SLC8A1: variants seen among roughly 807,000 people sequenced by gnomAD.
SLC8A1 encodes the protein solute carrier family 8 member A1.
SLC8A1 carries 18 observed loss-of-function variants against 68.3 expected under a neutral mutation model. The observed-to-expected ratio is 0.26, with a 90% confidence interval of 0.18 to 0.39. The LOEUF (loss-of-function observed/expected upper bound fraction) is 0.39, where lower values mean the gene tolerates loss of function less well. Ranked by LOEUF, SLC8A1 falls within the 10% of genes least tolerant of loss-of-function variation. The pLI is 1.00. For synonymous variants in SLC8A1, 475 were observed against 415.5 expected (o/e 1.14, Z -1.74); for missense variants, 985 against 1,156.7 (o/e 0.85, Z 2.15).
intron 2 of SLC8A1, among the ~76,000 whole-genome samples, chr2:40,253,107 A>G (rs1558968107): frequency 9.1e-6 from 1 of 109,906 alleles, no homozygotes; most frequent in South Asian, 2.4e-4. Flanking sequence ...ATATACATAT[A>G]TACGTGTATA....
intron 2 of SLC8A1, among the ~76,000 whole-genome samples, chr2:40,369,987 G>C (rs960338877): frequency 2.0e-5 from 3 of 152,044 alleles, no homozygotes; most frequent in Non-Finnish European, 4.4e-5. Context: ...ATAAAATAAA[G>C]ACCACAGAAG....
chr2:40,449,148 TAA>T (rs563163544), intron 1 of SLC8A1, among the ~76,000 whole-genome samples: 1 of 129,582 alleles, frequency 7.7e-6, no homozygotes. Flanking sequence ...ATTGCAACAT[TAA>T]AAAAAAAAAA....
At chr2:40,229,956 T>G (rs1439436614) in intron 2 of SLC8A1, among the ~76,000 whole-genome samples, 1 of 152,204 alleles carries the variant, frequency 6.6e-6, no homozygotes, top group African/African-American at 2.4e-5. Flanking sequence ...TCTTTTATGT[T>G]GTTATTGTTC....
chr2:40,412,728 G>A (rs1009272781), intron 2 of SLC8A1, among the ~76,000 whole-genome samples: 3 of 152,140 alleles, frequency 2.0e-5, no homozygotes, highest in African/African-American at 7.2e-5. Flanking sequence ...AAAGGCATGA[G>A]TCAGTCATGA....
chr2:40,255,993 T>A (rs1250760535), intron 2 of SLC8A1, among the ~76,000 whole-genome samples: 1 of 152,202 alleles, frequency 6.6e-6, no homozygotes, highest in African/African-American at 2.4e-5. Context: ...GTCTGCAAAC[T>A]AGAAGAGCAA....
intron 1 of SLC8A1, among the ~76,000 whole-genome samples, chr2:40,466,420 T>C (rs560913737): frequency 4.6e-5 from 7 of 152,168 alleles, no homozygotes; most frequent in Non-Finnish European, 1.0e-4. Context: ...TATTAAAACA[T>C]GTCTTAAAGG....
chr2:40,214,358 A>G (rs889583189), intron 2 of SLC8A1, among the ~76,000 whole-genome samples: 2 of 152,066 alleles, frequency 1.3e-5, no homozygotes, highest in African/African-American at 4.8e-5. Flanking sequence ...ACTCTCCCCA[A>G]ATATATCTGC....
At chr2:40,385,558 TATC>T (rs1340552307) in intron 2 of SLC8A1, among the ~76,000 whole-genome samples, 2 of 151,082 alleles carry the variant, frequency 1.3e-5, no homozygotes, top group African/African-American at 2.5e-5. Flanking sequence ...ATGTAAAAGT[TATC>T]ATATCAACAA....
At chr2:40,381,402 G>A (rs374714323) in intron 2 of SLC8A1, among the ~76,000 whole-genome samples, 1 of 151,970 alleles carries the variant, frequency 6.6e-6, no homozygotes, top group African/African-American at 2.4e-5. Flanking sequence ...AGAGATTCCT[G>A]TGGGACAAAC....
intron 1 of SLC8A1, among the ~76,000 whole-genome samples, chr2:40,433,870 T>C (rs1698875081): frequency 6.6e-6 from 1 of 152,174 alleles, no homozygotes; most frequent in South Asian, 2.1e-4. Context: ...CAGGAGGGCC[T>C]AGTTAGCAAA....
chr2:40,259,394 GA>G (rs1232911495), intron 2 of SLC8A1, among the ~76,000 whole-genome samples: 2 of 152,158 alleles, frequency 1.3e-5, no homozygotes, highest in Non-Finnish European at 2.9e-5. Context: ...TGCCTTATTT[GA>G]AAAGGTAATA....
chr2:40,231,943 C>T (rs943094072), intron 2 of SLC8A1, among the ~76,000 whole-genome samples: 8 of 152,032 alleles, frequency 5.3e-5, no homozygotes, highest in East Asian at 1.9e-4. Flanking sequence ...AGGGACTCGA[C>T]GAGGAACTGG....
chr2:40,414,369 T>C (rs931875480), intron 2 of SLC8A1, among the ~76,000 whole-genome samples: 2 of 152,194 alleles, frequency 1.3e-5, no homozygotes, highest in Non-Finnish European at 2.9e-5. Context: ...TGTGTTTTAA[T>C]GTGACAGTGT....
chr2:40,146,429 A>G (rs959920815), intron 6 of SLC8A1, among the ~76,000 whole-genome samples: 1 of 152,146 alleles, frequency 6.6e-6, no homozygotes, highest in African/African-American at 2.4e-5. Flanking sequence ...TCCAGGCCCC[A>G]TCCCCTAGGC....
At chr2:40,506,537 T>A (rs1320688741) in intron 1 of SLC8A1, among the ~76,000 whole-genome samples, 1 of 151,932 alleles carries the variant, frequency 6.6e-6, no homozygotes, top group East Asian at 1.9e-4. Context: ...TATTTTGTCT[T>A]CCAAATCTTT....
chr2:40,130,430 G>A (rs1459358912), intron 7 of SLC8A1, among the ~76,000 whole-genome samples: 1 of 152,214 alleles, frequency 6.6e-6, no homozygotes, highest in African/African-American at 2.4e-5. Flanking sequence ...TTAAACTCCA[G>A]ACTGCTGCTT....
At chr2:40,261,907 C>G (rs1479653852) in intron 2 of SLC8A1, among the ~76,000 whole-genome samples, 1 of 151,420 alleles carries the variant, frequency 6.6e-6, no homozygotes, top group Admixed American at 6.6e-5. Flanking sequence ...TGTGTAGTAC[C>G]TGTGTAATAT....
chr2:40,451,099 G>A (rs967216051), intron 1 of SLC8A1, among the ~76,000 whole-genome samples: 1 of 152,196 alleles, frequency 6.6e-6, no homozygotes, highest in Non-Finnish European at 1.5e-5. Context: ...CCAGCTATAA[G>A]ACCGCCCTCT....
At chr2:40,103,353 T>G (rs2034011299) in exon 8 of SLC8A1, 1 of 152,206 alleles carries the variant, frequency 6.6e-6, no homozygotes, top group Non-Finnish European at 1.5e-5. Flanking sequence ...ACCGGTTGAT[T>G]GCTAAGGGTG....
Sources: gnomAD v4.1 joint callset for allele counts (sites outside exome capture counted in the v4.1 genomes callset) on GRCh38, gnomAD v4.1.1 for gene constraint, MANE v1.5 for transcripts, NCBI Gene and HGNC (gene_info 2026-07-23, HGNC 2026-07-21) for gene names.